Variants in FGGY observed in about 807,000 individuals in gnomAD.
FGGY encodes the protein FGGY carbohydrate kinase domain-containing protein.
A neutral mutation model predicts 71.3 loss-of-function variants in FGGY; 72 were observed. The observed-to-expected ratio is 1.01, with a 90% CI of 0.84 to 1.23. The LOEUF (loss-of-function observed/expected upper bound fraction) is 1.23, where lower values mean the gene tolerates loss of function less well. Among genes scored for constraint, FGGY ranks in the 50% most tolerant of loss-of-function variants. The probability of loss-of-function intolerance (pLI) is 0.00; values close to 1 mark genes in which losing one functional copy is unlikely to be tolerated. For synonymous variants in FGGY, 251 were observed against 250.3 expected (o/e 1.00, Z -0.02); for missense variants, 668 against 682.3 (o/e 0.98, Z 0.23).
intron 5 of FGGY, among the ~76,000 whole-genome samples, chr1:59,410,270 T>C (rs2063409803): frequency 6.6e-6 from 1 of 152,202 alleles, no homozygotes; most frequent in African/African-American, 2.4e-5. Flanking sequence ...CTTGTTACCA[T>C]ATGTGAATAT....
chr1:59,435,290 G>A (rs2068190185), intron 5 of FGGY, among the ~76,000 whole-genome samples: 2 of 152,176 alleles, frequency 1.3e-5, no homozygotes, highest in South Asian at 4.1e-4. Flanking sequence ...AAAATGCAAC[G>A]TGTATGTCCA....
At chr1:59,419,362 C>A (rs1310685452) in intron 5 of FGGY, among the ~76,000 whole-genome samples, 1 of 152,130 alleles carries the variant, frequency 6.6e-6, no homozygotes, top group Non-Finnish European at 1.5e-5. Flanking sequence ...TTGCTAATTG[C>A]ATCAGTAGAG....
At chr1:59,448,169 A>G (rs963245685) in intron 5 of FGGY, among the ~76,000 whole-genome samples, 10 of 152,102 alleles carry the variant, frequency 6.6e-5, no homozygotes, top group African/African-American at 2.4e-4. Context: ...TAGATTTTCG[A>G]TGCTGTCATC....
intron 14 of FGGY, among the ~76,000 whole-genome samples, chr1:59,689,162 G>GCC (rs1170135005): frequency 6.6e-6 from 1 of 152,152 alleles, no homozygotes; most frequent in East Asian, 1.9e-4. Context: ...GAGTGCTGTT[G>GCC]CATAATCTAC....
At chr1:59,311,326 A>G (rs1440948319) in intron 1 of FGGY, among the ~76,000 whole-genome samples, 3 of 151,476 alleles carry the variant, frequency 2.0e-5, no homozygotes, top group Non-Finnish European at 2.9e-5. Context: ...GGTTTGTTAC[A>G]TAGGTATACG....
chr1:59,486,185 G>T (rs2153576570), intron 6 of FGGY, among the ~76,000 whole-genome samples: 1 of 152,278 alleles, frequency 6.6e-6, no homozygotes, highest in Middle Eastern at 3.4e-3. Context: ...GCACCCAGAG[G>T]GAGACCATGC....
At chr1:59,520,576 G>A (rs907859978) in intron 7 of FGGY, among the ~76,000 whole-genome samples, 3 of 152,108 alleles carry the variant, frequency 2.0e-5, no homozygotes, top group Non-Finnish European at 2.9e-5. Context: ...TCATGTTCAC[G>A]TTTGTATGCC....
chr1:59,453,322 A>G (rs2091374295), intron 5 of FGGY, among the ~76,000 whole-genome samples: 1 of 152,334 alleles, frequency 6.6e-6, no homozygotes, highest in Non-Finnish European at 1.5e-5. Flanking sequence ...AACTTCTTGT[A>G]AAGACCAAGA....
chr1:59,751,925 C>T (rs1160900860), intron 14 of FGGY, among the ~76,000 whole-genome samples: 1 of 152,124 alleles, frequency 6.6e-6, no homozygotes, highest in East Asian at 1.9e-4. Context: ...TAATCACTAA[C>T]CTGGAACATG....
chr1:59,444,775 A>G (rs1452093569), intron 5 of FGGY, among the ~76,000 whole-genome samples: 1 of 152,162 alleles, frequency 6.6e-6, no homozygotes, highest in Non-Finnish European at 1.5e-5. Context: ...GAGGTGGCAC[A>G]GTTTCATCCC....
At chr1:59,656,472 C>T (rs1049534919) in intron 11 of FGGY, among the ~76,000 whole-genome samples, 2 of 152,158 alleles carry the variant, frequency 1.3e-5, no homozygotes, top group Non-Finnish European at 2.9e-5. Flanking sequence ...TGCAAAGTTC[C>T]GTCATGGGTT....
rs367815956 is a variant in FGGY at position 59,644,892 on chromosome 1, G to A, written c.1221+6517G>A. Reference sequence around the variant, plus strand: ...CTCAGGAGGCTGAGGCAGGAGAGTCGCTTGAACCCAGGAGGCAGAGGTTGC... The same window carrying A: ...CTCAGGAGGCTGAGGCAGGAGAGTCACTTGAACCCAGGAGGCAGAGGTTGC... On this transcript the variant is annotated intron_variant, in intron 11 of 15. Transcript: ENST00000303721. 1.5e-4 allele frequency among the ~76,000 whole-genome samples: 23 copies of A among 151,840 alleles called. No homozygotes were observed. In the East Asian group the frequency reaches 3.1e-3, roughly 21 times the overall value.
chr1:59,610,710 G>A (rs776585767), intron 9 of FGGY, among the ~76,000 whole-genome samples: 8 of 152,244 alleles, frequency 5.3e-5, no homozygotes, highest in Admixed American at 2.0e-4. Context: ...GAAGCAGGGC[G>A]AGGCATCGCC....
At chr1:59,658,602 G>A (rs2097244347) in intron 11 of FGGY, among the ~76,000 whole-genome samples, 2 of 152,312 alleles carry the variant, frequency 1.3e-5, no homozygotes, top group Non-Finnish European at 2.9e-5. Flanking sequence ...GCAAGGGCGA[G>A]CCCAGGAAGA....
intron 8 of FGGY, among the ~76,000 whole-genome samples, chr1:59,569,583 G>A (rs2095944066): frequency 6.6e-6 from 1 of 152,198 alleles, no homozygotes; most frequent in Non-Finnish European, 1.5e-5. Context: ...TCAAGAGAAA[G>A]TGGGTCCCAC....
chr1:59,467,903 T>C (rs1002944839), intron 6 of FGGY, among the ~76,000 whole-genome samples: 1 of 128,720 alleles, frequency 7.8e-6, no homozygotes, highest in South Asian at 2.5e-4. Context: ...TTTGTTTTGT[T>C]TTGTTTTGTT....
At chr1:59,624,291 C>T (rs995360196) in intron 9 of FGGY, among the ~76,000 whole-genome samples, 39 of 152,086 alleles carry the variant, frequency 2.6e-4, no homozygotes, top group Admixed American at 1.8e-3. Flanking sequence ...CAGTTTGAGA[C>T]CTAGATTTGT....
chr1:59,339,628 C>A (rs1203551976), intron 2 of FGGY, among the ~76,000 whole-genome samples: 2 of 151,912 alleles, frequency 1.3e-5, no homozygotes, highest in East Asian at 3.9e-4. Flanking sequence ...CCATGCCTGG[C>A]TAATTTTCGT....
intron 8 of FGGY, among the ~76,000 whole-genome samples, chr1:59,598,196 G>A (rs1037848682): frequency 5.3e-5 from 8 of 152,232 alleles, no homozygotes; most frequent in Non-Finnish European, 1.2e-4. Context: ...TTTCAAAGCT[G>A]AAAACCAGTC....
Sources: allele counts gnomAD v4.1 joint callset (sites outside exome capture counted in the v4.1 genomes callset), GRCh38; gene constraint gnomAD v4.1.1; transcripts MANE v1.5; gene names NCBI Gene and HGNC (gene_info 2026-07-23, HGNC 2026-07-21).